Variants in MAMDC2 observed in about 807,000 individuals in gnomAD.
MAMDC2 encodes the protein MAM domain-containing protein 2.
A neutral mutation model predicts 89.8 loss-of-function variants in MAMDC2; 57 were observed. The observed-to-expected ratio is 0.63, with a 90% CI of 0.51 to 0.79. MAMDC2 has a LOEUF of 0.79. Ranked by LOEUF, MAMDC2 falls within the 30% of genes least tolerant of loss-of-function variation. The pLI is 0.00. For synonymous variants in MAMDC2, 313 were observed against 293.4 expected, an observed-to-expected ratio of 1.07 and a Z score of -0.68; for missense variants, 800 against 820.6, an observed-to-expected ratio of 0.97 and a Z score of 0.31.
intron 2 of MAMDC2, among the ~76,000 whole-genome samples, chr9:70,078,718 C>T (rs540703185): frequency 2.0e-5 from 3 of 152,186 alleles, no homozygotes; most frequent in Admixed American, 2.0e-4. Flanking sequence ...GATGTAATTG[C>T]TACCTCCTTT....
intron 2 of MAMDC2, among the ~76,000 whole-genome samples, chr9:70,053,458 G>A (rs1245620829): frequency 2.0e-5 from 3 of 152,200 alleles, no homozygotes; most frequent in African/African-American, 7.2e-5. Flanking sequence ...CATAGTACAT[G>A]AGTACACACT....
chr9:70,072,819 G>A (rs931305755), intron 2 of MAMDC2, among the ~76,000 whole-genome samples: 17 of 152,212 alleles, frequency 1.1e-4, no homozygotes, highest in Admixed American at 2.6e-4. Context: ...TTTAAAAAAA[G>A]ATGAAAACAC....
chr9:70,087,730 A>G (rs956733089), intron 2 of MAMDC2: 22 of 152,284 alleles, frequency 1.4e-4, no homozygotes, highest in African/African-American at 5.3e-4. Flanking sequence ...GATACTGTTA[A>G]CCAGAAATGT....
At chr9:70,206,240 T>G (rs1302607838) in intron 11 of MAMDC2, among the ~76,000 whole-genome samples, 1 of 152,194 alleles carries the variant, frequency 6.6e-6, no homozygotes, top group East Asian at 1.9e-4. Flanking sequence ...ACTGGCCAAT[T>G]TATAAGTTTT....
At chr9:70,108,181 T>C (rs1246186946) in intron 2 of MAMDC2, 30 bp from the exon 3 acceptor site, 1 of 1,508,710 alleles carries the variant, frequency 6.6e-7, no homozygotes, top group East Asian at 2.4e-5. Flanking sequence ...CAAAAATTGA[T>C]CCTTTTCCTA....
At chr9:70,076,044 G>C (rs974975392) in intron 2 of MAMDC2, among the ~76,000 whole-genome samples, 1 of 152,218 alleles carries the variant, frequency 6.6e-6, no homozygotes, top group Non-Finnish European at 1.5e-5. Context: ...TCAGGGCTGC[G>C]ATGGCAGGTG....
chr9:70,059,141 C>CA lies in MAMDC2; in HGVS notation c.148+14447dup, dbSNP rs546636921. 2.7e-3 allele frequency among the ~76,000 whole-genome samples: 414 copies of CA among 152,274 alleles called. 5 individuals are homozygous for CA. The highest frequency in any genetic ancestry group is 8.6e-3 in the African/African-American group (359 of 41,552). On this transcript the variant is annotated intron_variant, in intron 2 of 13. Transcript: ENST00000377182. Reference sequence around the variant, plus strand: ...GGTTTTGCAAAAAGGCATATGAACTCAAACGGGTAGCGAGGTGAAGCAGGA... The same window carrying CA: ...GGTTTTGCAAAAAGGCATATGAACTCAAAACGGGTAGCGAGGTGAAGCAGGA...
chr9:70,091,037 G>C (rs762110725), intron 2 of MAMDC2, among the ~76,000 whole-genome samples: 1 of 152,098 alleles, frequency 6.6e-6, no homozygotes, highest in Non-Finnish European at 1.5e-5. Flanking sequence ...ACTGTTTGTA[G>C]AAAAATTAAA....
chr9:70,121,757 C>T (rs954879811), intron 5 of MAMDC2, among the ~76,000 whole-genome samples: 3 of 150,926 alleles, frequency 2.0e-5, no homozygotes, highest in Non-Finnish European at 4.4e-5. Flanking sequence ...TCTGGAAGCT[C>T]TAGAGCCCTA....
intron 10 of MAMDC2, chr9:70,169,783 ATTCAAAGACATAAACATTGGAT>A (rs2032277114): frequency 6.6e-6 from 1 of 152,252 alleles, no homozygotes; most frequent in Admixed American, 6.5e-5. Flanking sequence ...TGAAGATAGC[ATTCAAAGACATAAACATTGGAT>A]TTGGGAAAAG....
intron 5 of MAMDC2, 38 bp downstream of exon 5, chr9:70,113,170 A>C: frequency 6.2e-7 from 1 of 1,608,808 alleles, no homozygotes; most frequent in African/African-American, 1.3e-5. Context: ...TCCCAGGATA[A>C]ATTTTTCTGC....
At chr9:70,221,218 A>C (rs2033548600) in intron 12 of MAMDC2, among the ~76,000 whole-genome samples, 2 of 150,562 alleles carry the variant, frequency 1.3e-5, no homozygotes, top group Non-Finnish European at 3.0e-5. Context: ...GGCCGGGCAC[A>C]GTGGCTCACA....
At chr9:70,167,047 CAGTAGTAAACTCTGCA>C (rs2032198010) in intron 9 of MAMDC2, among the ~76,000 whole-genome samples, 1 of 152,118 alleles carries the variant, frequency 6.6e-6, no homozygotes, top group South Asian at 2.1e-4. Flanking sequence ...AATAAGTTCC[CAGTAGTAAACTCTGCA>C]AGTAAAATAT....
chr9:70,222,202 T>C (rs2033576896), intron 12 of MAMDC2, among the ~76,000 whole-genome samples: 1 of 152,120 alleles, frequency 6.6e-6, no homozygotes, highest in Admixed American at 6.5e-5. Flanking sequence ...CTAAAATGAA[T>C]TGAGATATCA....
chr9:70,088,192 T>C (rs917632968), intron 2 of MAMDC2: 3 of 152,118 alleles, frequency 2.0e-5, no homozygotes, highest in Non-Finnish European at 4.4e-5. Context: ...AAGAAAGGCT[T>C]ATAGCTGGGT....
chr9:70,224,952 GTCTT>G (rs953044265), intron 12 of MAMDC2, among the ~76,000 whole-genome samples: 142 of 152,012 alleles, frequency 9.3e-4, no homozygotes, highest in African/African-American at 3.0e-3. Flanking sequence ...AAAATTTAAG[GTCTT>G]TCTTTTTTAT....
At chr9:70,167,173 T>C (rs754928095) in intron 9 of MAMDC2, among the ~76,000 whole-genome samples, 1 of 152,202 alleles carries the variant, frequency 6.6e-6, no homozygotes, top group Non-Finnish European at 1.5e-5. Context: ...GTTCTTTGTA[T>C]ATATACAGAG....
chr9:70,180,930 T>C (rs1250350986), intron 11 of MAMDC2, among the ~76,000 whole-genome samples: 1 of 152,260 alleles, frequency 6.6e-6, no homozygotes, highest in Non-Finnish European at 1.5e-5. Context: ...TCTTTGCCCA[T>C]GTCTATGTCC....
intron 4 of MAMDC2, among the ~76,000 whole-genome samples, chr9:70,112,504 G>A (rs1363373730): frequency 6.6e-6 from 1 of 152,144 alleles, no homozygotes; most frequent in African/African-American, 2.4e-5. Flanking sequence ...GAAAGGAATG[G>A]AGGACTGGGC....
Sources: gnomAD v4.1 joint callset for allele counts (sites outside exome capture counted in the v4.1 genomes callset) on GRCh38, gnomAD v4.1.1 for gene constraint, MANE v1.5 for transcripts, NCBI Gene and HGNC (gene_info 2026-07-23, HGNC 2026-07-21) for gene names.